Variants in RAB28 observed in about 807,000 individuals in gnomAD.
RAB28 encodes ras-related protein Rab-28.
Under a neutral mutation model 31.7 loss-of-function variants are expected in RAB28, and 24 were observed. That is an observed-to-expected ratio of 0.76 (90% CI 0.55 to 1.06). The LOEUF is 1.06. Among genes scored for constraint, RAB28 ranks in the 50% least tolerant of loss-of-function variants. The probability of loss-of-function intolerance (pLI) is 0.00; values close to 1 mark genes in which losing one functional copy is unlikely to be tolerated. For missense variants in RAB28, 254 were observed against 258.5 expected, an observed-to-expected ratio of 0.98 and a Z score of 0.12; for synonymous variants, 100 against 90.4, an observed-to-expected ratio of 1.11 and a Z score of -0.60.
chr4:13,484,257 C>A lies in RAB28; in HGVS notation c.-107G>T. ...AGGGAGGTAGTTGCGGCAGGACCCC[C>A]GCCCCGGTGTCTCCGCGCCGGCAGG... On this transcript the variant is annotated 5_prime_UTR_variant, in exon 1 of 7. Coordinates refer to ENST00000330852, the MANE Select transcript of RAB28 (RefSeq NM_001017979.3). The A allele has an allele frequency of 1.2e-6, 1 of 831,060 alleles. No homozygotes were observed. Among genetic ancestry groups the A allele is most frequent in the South Asian group, 1.5e-5 (1 of 67,950 alleles). 51.5% of individuals were successfully genotyped at this position (831,060 alleles called of 1,614,324 possible).
intron 4 of RAB28, among the ~76,000 whole-genome samples, chr4:13,445,018 T>C (rs757296712): frequency 2.0e-5 from 3 of 152,154 alleles, no homozygotes; most frequent in Non-Finnish European, 4.4e-5. Flanking sequence ...GGTAATCCTA[T>C]CAATCGTAGG....
At chr4:13,381,276 T>C (rs1729117097) in intron 5 of RAB28, among the ~76,000 whole-genome samples, 1 of 152,144 alleles carries the variant, frequency 6.6e-6, no homozygotes, top group Non-Finnish European at 1.5e-5. Context: ...TGGTTTATAT[T>C]CATTTTAATT....
chr4:13,472,726 T>C (rs1436889558), intron 3 of RAB28, among the ~76,000 whole-genome samples: 1 of 151,980 alleles, frequency 6.6e-6, no homozygotes, highest in Non-Finnish European at 1.5e-5. Flanking sequence ...TTTTCCCATG[T>C]TATCAACCAC....
intron 4 of RAB28, among the ~76,000 whole-genome samples, chr4:13,433,138 G>GAAAAAAAAAA (rs1159582203): frequency 4.3e-5 from 3 of 69,480 alleles, no homozygotes; most frequent in Admixed American, 1.6e-4. Context: ...GCAAATGAAA[G>GAAAAAAAAAA]AAAAAAAAAA....
chr4:13,444,875 T>G (rs1436920149), intron 4 of RAB28, among the ~76,000 whole-genome samples: 1 of 152,234 alleles, frequency 6.6e-6, no homozygotes, highest in South Asian at 2.1e-4. Context: ...GATCTTCTTG[T>G]GGAGTATCTT....
intron 3 of RAB28, chr4:13,473,687 T>C: frequency 4.0e-6 from 1 of 250,298 alleles, no homozygotes; most frequent in Middle Eastern, 4.6e-4. Flanking sequence ...TATAAGCTCA[T>C]GGAGAATATA....
intron 4 of RAB28, among the ~76,000 whole-genome samples, chr4:13,436,997 T>C (rs998820250): frequency 1.8e-4 from 28 of 152,160 alleles, no homozygotes; most frequent in African/African-American, 6.8e-4. Flanking sequence ...AGCATGGTAC[T>C]GGTTAACAAA....
chr4:13,467,840 G>C (rs946637545), intron 3 of RAB28, among the ~76,000 whole-genome samples: 3 of 151,862 alleles, frequency 2.0e-5, no homozygotes, highest in Non-Finnish European at 2.9e-5. Flanking sequence ...TATTGTCAAA[G>C]GAGATGAGAA....
intron 6 of RAB28, chr4:13,370,010 A>G: frequency 1.0e-6 from 1 of 965,486 alleles, no homozygotes; most frequent in Non-Finnish European, 1.4e-6. Context: ...AAAAAGAATT[A>G]AAAAAAAAAA....
intron 6 of RAB28, among the ~76,000 whole-genome samples, chr4:13,372,858 G>A (rs752743503): frequency 6.6e-6 from 1 of 152,022 alleles, no homozygotes; most frequent in Admixed American, 6.6e-5. Context: ...TCTTGAGCAT[G>A]TCTATTACAT....
At chr4:13,473,973 T>C in intron 3 of RAB28, 2 of 373,308 alleles carry the variant, frequency 5.4e-6, no homozygotes, top group Non-Finnish European at 1.0e-5. Flanking sequence ...ATCCCTGTGT[T>C]TTTCATTCAG....
At chr4:13,370,160 G>T (rs1202267102) in intron 6 of RAB28, 5 of 980,182 alleles carry the variant, frequency 5.1e-6, no homozygotes, top group Non-Finnish European at 6.1e-6. Flanking sequence ...CAAAAGGAAA[G>T]AAAAGGAAAG....
At chr4:13,418,362 A>C (rs1283120161) in intron 4 of RAB28, among the ~76,000 whole-genome samples, 2 of 152,208 alleles carry the variant, frequency 1.3e-5, no homozygotes. Flanking sequence ...TCCCCAACCC[A>C]GCAAGGCAGG....
chr4:13,428,600 G>C (rs2108928858), intron 4 of RAB28, among the ~76,000 whole-genome samples: 1 of 152,304 alleles, frequency 6.6e-6, no homozygotes, highest in African/African-American at 2.4e-5. Flanking sequence ...TTTGAAGATA[G>C]ATCGGTTGAG....
intron 4 of RAB28, among the ~76,000 whole-genome samples, chr4:13,441,660 G>C (rs1714421727): frequency 6.6e-6 from 1 of 152,192 alleles, no homozygotes; most frequent in African/African-American, 2.4e-5. Flanking sequence ...CATTGCATGT[G>C]CAACAATATT....
intron 3 of RAB28, among the ~76,000 whole-genome samples, chr4:13,469,365 C>A (rs1716013292): frequency 6.6e-6 from 1 of 151,942 alleles, no homozygotes; most frequent in Non-Finnish European, 1.5e-5. Context: ...ATCCCCATAC[C>A]ATCCTTTCCT....
intron 6 of RAB28, among the ~76,000 whole-genome samples, chr4:13,374,668 C>T (rs550001912): frequency 2.6e-5 from 4 of 152,238 alleles, no homozygotes; most frequent in Admixed American, 6.5e-5. Flanking sequence ...TTCCACAAGC[C>T]CTATTGGTTC....
In RAB28 at chr4:13,479,449, C is replaced by G. The variant is rs754796966; in HGVS notation, c.153G>C (p.Leu51Phe). 1.2e-6 allele frequency: 2 copies of G among 1,605,102 alleles called. No homozygotes were observed. The highest frequency in any genetic ancestry group is 2.2e-5 in the South Asian group (2 of 90,420). The stretch of plus-strand genomic sequence containing the variant: ...TCTTACCTGGCAATGTTATCCTTCT[C>G]AAAAAGAAATCCAGTCCTATAGTTT... Reference protein sequence around the residue: ...YKQTIGLDFFLRRITLPGNLN... With the variant: ...YKQTIGLDFFFRRITLPGNLN... Residue 51 changes from leucine (L) to phenylalanine (F), a missense_variant, in exon 2 of 7, where the codon TTG (leucine) becomes TTC (phenylalanine). Coordinates refer to ENST00000330852, the MANE Select transcript of RAB28 (RefSeq NM_001017979.3).
At chr4:13,451,971 T>G (rs555982704) in intron 4 of RAB28, among the ~76,000 whole-genome samples, 1 of 152,044 alleles carries the variant, frequency 6.6e-6, no homozygotes, top group South Asian at 2.1e-4. Flanking sequence ...GCCAGTACTG[T>G]GCCATTTTGC....
Sources: allele counts gnomAD v4.1 joint callset (sites outside exome capture counted in the v4.1 genomes callset), GRCh38; gene constraint gnomAD v4.1.1; transcripts MANE v1.5; gene names NCBI Gene and HGNC (gene_info 2026-07-23, HGNC 2026-07-21).